CNTNAP5: variants seen among roughly 807,000 people sequenced by gnomAD.
The protein encoded by CNTNAP5 is contactin associated protein family member 5.
CNTNAP5 carries 72 observed loss-of-function variants against 150.2 expected under a neutral mutation model. That is an observed-to-expected ratio of 0.48 (90% confidence interval 0.40 to 0.58). The LOEUF is 0.58. Ranked by LOEUF, CNTNAP5 falls within the 20% of genes least tolerant of loss-of-function variation. CNTNAP5 has a pLI of 0.00. For missense variants in CNTNAP5, 1,636 were observed against 1,626.2 expected, an observed-to-expected ratio of 1.01 and a Z score of -0.10; for synonymous variants, 672 against 619.8, an observed-to-expected ratio of 1.08 and a Z score of -1.25.
chr2:124,388,745 G>C (rs948203050), intron 3 of CNTNAP5, among the ~76,000 whole-genome samples: 3 of 151,960 alleles, frequency 2.0e-5, no homozygotes, highest in Non-Finnish European at 4.4e-5. Flanking sequence ...CCCGGAGTGA[G>C]ACTCCACTGG....
At chr2:124,663,581 T>C (rs1294922842) in intron 13 of CNTNAP5, among the ~76,000 whole-genome samples, 1 of 151,496 alleles carries the variant, frequency 6.6e-6, no homozygotes, top group Non-Finnish European at 1.5e-5. Flanking sequence ...ATTTTGGGAG[T>C]ATGGAGGTTG....
Position 124,864,996 on chromosome 2 carries a change from C to G in CNTNAP5, c.3218-310C>G, listed in dbSNP as rs565933281. On this transcript the variant is annotated intron_variant, in intron 19 of 23. Transcript: ENST00000682447. ...AGAGAAAGTAGAAAAGATCTTAACT[C>G]TACCTTATTAAAGTTTCATGATCCA... 4.6e-5 allele frequency among the ~76,000 whole-genome samples: 7 copies of G among 152,168 alleles called. 1 individual carries two copies. The highest frequency in any genetic ancestry group is 9.6e-5 in the African/African-American group (4 of 41,536).
intron 1 of CNTNAP5, among the ~76,000 whole-genome samples, chr2:124,031,511 A>G (rs1681048535): frequency 1.3e-5 from 2 of 152,200 alleles, no homozygotes. Flanking sequence ...AGAAGTTCAG[A>G]TCACCTGATT....
chr2:124,801,294 A>G (rs554495685), intron 19 of CNTNAP5, among the ~76,000 whole-genome samples: 1 of 152,326 alleles, frequency 6.6e-6, no homozygotes, highest in African/African-American at 2.4e-5. Flanking sequence ...ATGAGAGACT[A>G]AAAAATCTGC....
At chr2:124,500,870 T>C (rs7604317) in intron 7 of CNTNAP5, among the ~76,000 whole-genome samples, 72,198 of 151,884 alleles carry the variant, frequency 0.48, 17,304 homozygotes, top group Middle Eastern at 0.59. Context: ...GACCAGTGAC[T>C]TGTGGCAGTT....
At chr2:124,651,352 G>T (rs1678318862) in intron 13 of CNTNAP5, among the ~76,000 whole-genome samples, 1 of 152,144 alleles carries the variant, frequency 6.6e-6, no homozygotes. Flanking sequence ...TTAATAAATG[G>T]ATACAATATA....
chr2:124,025,740 C>T lies in CNTNAP5; in HGVS notation c.82+8C>T, dbSNP rs756898076. On this transcript the variant is annotated splice_region_variant and intron_variant, in intron 1 of 23. Transcript: ENST00000682447. The stretch of plus-strand genomic sequence containing the variant: ...GATTAACAGCGACAAACTGTGAGTA[C>T]GAGGAGCTGGGGGCGGGAAGGTGAG... The T allele has an allele frequency of 1.2e-6, 2 of 1,606,726 alleles. No homozygotes were observed. The highest frequency in any genetic ancestry group is 1.1e-5 in the South Asian group (1 of 90,894).
chr2:124,767,416 G>A (rs1033371837), intron 16 of CNTNAP5, among the ~76,000 whole-genome samples: 1 of 152,156 alleles, frequency 6.6e-6, no homozygotes, highest in African/African-American at 2.4e-5. Context: ...CTGTGAAAAC[G>A]ATAACTATTT....
intron 22 of CNTNAP5, among the ~76,000 whole-genome samples, chr2:124,910,660 T>C (rs1678636169): frequency 6.6e-6 from 1 of 152,014 alleles, no homozygotes; most frequent in Admixed American, 6.6e-5. Flanking sequence ...GACTTGGACA[T>C]GTTATTTGAT....
intron 5 of CNTNAP5, 82 bp downstream of exon 5, chr2:124,434,769 G>A (rs530983095): frequency 8.1e-7 from 1 of 1,238,534 alleles, no homozygotes; most frequent in South Asian, 1.4e-5. Context: ...CACTTGCAGT[G>A]TATCTGGTGG....
chr2:124,097,985 G>A (rs924779601), intron 1 of CNTNAP5, among the ~76,000 whole-genome samples: 5 of 152,070 alleles, frequency 3.3e-5, no homozygotes, highest in African/African-American at 9.7e-5. Context: ...CCGAGATGGC[G>A]CCACTGCACT....
intron 3 of CNTNAP5, among the ~76,000 whole-genome samples, chr2:124,296,276 C>T (rs1688429880): frequency 6.6e-6 from 1 of 152,202 alleles, no homozygotes; most frequent in Non-Finnish European, 1.5e-5. Flanking sequence ...ATTGGGTGGC[C>T]ATTCACCATC....
At chr2:124,129,142 T>C (rs1201988262) in intron 1 of CNTNAP5, among the ~76,000 whole-genome samples, 2 of 151,728 alleles carry the variant, frequency 1.3e-5, no homozygotes, top group Non-Finnish European at 2.9e-5. Flanking sequence ...TACAACAAAA[T>C]ATTTGCGTTT....
intron 19 of CNTNAP5, among the ~76,000 whole-genome samples, chr2:124,830,998 T>C (rs1445652118): frequency 2.0e-5 from 3 of 152,068 alleles, no homozygotes; most frequent in African/African-American, 4.8e-5. Context: ...CCTCTTGCAA[T>C]TGCAGTAAGA....
chr2:124,206,220 A>G (rs564414927), intron 1 of CNTNAP5, among the ~76,000 whole-genome samples: 1 of 152,324 alleles, frequency 6.6e-6, no homozygotes, highest in South Asian at 2.1e-4. Flanking sequence ...AGTTACTTAA[A>G]TGCACTGAGG....
chr2:124,106,185 T>G (rs187272815), intron 1 of CNTNAP5, among the ~76,000 whole-genome samples: 45 of 152,256 alleles, frequency 3.0e-4, no homozygotes, highest in African/African-American at 1.0e-3. Flanking sequence ...TTCGAGAAGG[T>G]GTCCTCACTA....
intron 12 of CNTNAP5, among the ~76,000 whole-genome samples, chr2:124,641,396 A>G (rs1678091487): frequency 2.0e-5 from 3 of 152,274 alleles, no homozygotes; most frequent in Admixed American, 2.0e-4. Flanking sequence ...ATCTGCCTCC[A>G]TGAACCATGA....
chr2:124,721,135 T>C (rs1266740406), intron 13 of CNTNAP5, among the ~76,000 whole-genome samples: 1 of 152,144 alleles, frequency 6.6e-6, no homozygotes, highest in Non-Finnish European at 1.5e-5. Context: ...ACAGGGCAGA[T>C]CTTACAGTAC....
At chr2:124,391,721 C>T (rs58911294) in intron 3 of CNTNAP5, among the ~76,000 whole-genome samples, 15,819 of 152,150 alleles carry the variant, frequency 0.1, 1,192 homozygotes, top group African/African-American at 0.22. Context: ...TTTGGGAGGC[C>T]GAGGCGGGCG....
Sources: gnomAD v4.1 joint callset for allele counts (sites outside exome capture counted in the v4.1 genomes callset) on GRCh38, gnomAD v4.1.1 for gene constraint, MANE v1.5 for transcripts, NCBI Gene and HGNC (gene_info 2026-07-23, HGNC 2026-07-21) for gene names.